HERC2: variants seen among roughly 807,000 people sequenced by gnomAD.
HERC2 encodes HECT and RLD domain containing E3 ubiquitin protein ligase 2, also known as E3 ubiquitin-protein ligase HERC2.
Under a neutral mutation model 537.7 loss-of-function variants are expected in HERC2, and 102 were observed. That is an observed-to-expected ratio of 0.19 (90% CI 0.16 to 0.22). HERC2 has a LOEUF of 0.22. Among genes scored for constraint, HERC2 ranks in the 10% least tolerant of loss-of-function variants. HERC2 has a pLI of 1.00. For synonymous variants in HERC2, 2,224 were observed against 2,466.2 expected (o/e 0.90, Z 2.91); for missense variants, 4,236 against 6,198.2 (o/e 0.68, Z 10.63).
chr15:28,191,937 C>A, intron 53 of HERC2, 24 bp downstream of exon 53: 2 of 1,599,740 alleles, frequency 1.3e-6, no homozygotes. Flanking sequence ...AAAGTGCCCG[C>A]TGCTGTGCCC....
rs1252353711 is a variant in HERC2 at position 28,114,600 on chromosome 15, A to ACCTGT, written c.13913+11_13913+12insACAGG. The ACCTGT allele has an allele frequency of 6.2e-7, 1 of 1,610,232 alleles. No homozygotes were observed. ...ATTTATGTCAATGCAACAGAGACGG[A>ACCTGT]TGACCACCAACCTATAGTTTATCGC... is the stretch of plus-strand genomic sequence containing the variant. On this transcript the variant is annotated intron_variant, in intron 90 of 92. Coordinates refer to ENST00000261609, the MANE Select transcript of HERC2 (RefSeq NM_004667.6).
At chr15:28,115,262 ATT>A (rs11375781) in intron 89 of HERC2, 165 bp downstream of exon 89, 7,566 of 374,788 alleles carry the variant, frequency 0.02, no homozygotes, top group South Asian at 0.04. Flanking sequence ...TAGATGGTCT[ATT>A]TTTTTTTTTT....
At chr15:28,249,617 T>G (rs937783784) in intron 20 of HERC2, among the ~76,000 whole-genome samples, 5 of 151,990 alleles carry the variant, frequency 3.3e-5, no homozygotes, top group Non-Finnish European at 5.9e-5. Context: ...AAGGTTATGA[T>G]AGGAAAATAA....
At chr15:28,318,622 CA>C (rs11324806) in intron 2 of HERC2, among the ~76,000 whole-genome samples, 142,767 of 147,726 alleles carry the variant, frequency 0.97, 69,011 homozygotes, top group Non-Finnish European at 0.99. Context: ...GACTCCATCT[CA>C]AAAAAAAAAA....
intron 86 of HERC2, 52 bp from the exon 87 acceptor site, chr15:28,117,206 C>A: frequency 6.3e-7 from 1 of 1,582,824 alleles, no homozygotes; most frequent in Non-Finnish European, 8.7e-7. Flanking sequence ...GCAGGAAGCA[C>A]ACAGTCGGGG....
intron 56 of HERC2, among the ~76,000 whole-genome samples, chr15:28,185,347 G>A (rs1029183452): frequency 6.6e-6 from 1 of 152,120 alleles, no homozygotes; most frequent in Non-Finnish European, 1.5e-5. Context: ...CAGCACTGGC[G>A]GCTTGCCTCC....
rs2075618516 is a variant in HERC2 at position 28,268,095 on chromosome 15, A to G, written c.1598+370T>C. ...ACTTTTGTTCCTGTAAAAATAATATATGGTTCAAGAAAAGGGTGACAACCT... is the reference window on the plus strand; with the variant it reads ...ACTTTTGTTCCTGTAAAAATAATATGTGGTTCAAGAAAAGGGTGACAACCT... On this transcript the variant is annotated intron_variant, in intron 12 of 92. Transcript: ENST00000261609. This position sits in a 1 kb window ranked among gnomAD's most constrained non-coding sequence, Gnocchi z 4.7. Among the ~76,000 whole-genome samples, 1 of 152,198 alleles carries G rather than the reference A, an allele frequency of 6.6e-6. No individual in the cohort carries two copies. Among genetic ancestry groups the G allele is most frequent in the Non-Finnish European group, 1.5e-5 (1 of 68,034 alleles).
At chr15:28,131,791 C>G (rs954800177) in intron 81 of HERC2, among the ~76,000 whole-genome samples, 1 of 152,192 alleles carries the variant, frequency 6.6e-6, no homozygotes, top group African/African-American at 2.4e-5. Flanking sequence ...ATGTGATATC[C>G]TTCTCTGAGA....
At chr15:28,249,245 A>C (rs1337001049) in intron 20 of HERC2, among the ~76,000 whole-genome samples, 3 of 152,166 alleles carry the variant, frequency 2.0e-5, no homozygotes, top group Non-Finnish European at 4.4e-5. Flanking sequence ...TTGCAAGTCC[A>C]CCTTGAGCCC....
intron 30 of HERC2, 120 bp from the exon 31 acceptor site, chr15:28,230,620 A>G: frequency 3.0e-6 from 2 of 671,272 alleles, no homozygotes; most frequent in South Asian, 1.9e-5. Flanking sequence ...TCTGAACAAC[A>G]TTATAAATTG....
At chr15:28,121,277 C>G in intron 86 of HERC2, 69 bp downstream of exon 86, 1 of 1,413,346 alleles carries the variant, frequency 7.1e-7, no homozygotes, top group Non-Finnish European at 1.0e-6. Context: ...GCTCTCGTCC[C>G]AGCCCAGGTA....
rs765169015 is a variant in HERC2, at chr15:28,196,574, G to C, written c.8012-5C>G. 7 of 1,571,482 alleles carry C rather than the reference G, an allele frequency of 4.5e-6. No individual in the cohort carries two copies. The highest frequency in any genetic ancestry group is 6.1e-6 in the Non-Finnish European group (7 of 1,142,456). ...CTTTTCCATTGGCACTGAAAGCTAG[G>C]ACAGAACAGAAATCACCTGATCCAT... On this transcript the variant is annotated splice_polypyrimidine_tract_variant and splice_region_variant and intron_variant, in intron 50 of 92. Coordinates refer to ENST00000261609, the MANE Select transcript of HERC2 (RefSeq NM_004667.6).
chr15:28,186,487 G>T, intron 56 of HERC2, 90 bp downstream of exon 56: 2 of 1,031,096 alleles, frequency 1.9e-6, no homozygotes, highest in Non-Finnish European at 2.9e-6. Context: ...CTCAGTATGA[G>T]ACACATTCTA....
chr15:28,171,282 G>A (rs570226182), intron 65 of HERC2, among the ~76,000 whole-genome samples: 12 of 152,312 alleles, frequency 7.9e-5, no homozygotes, highest in African/African-American at 2.9e-4. Flanking sequence ...AACATACTAT[G>A]TAATATGTAA....
At chr15:28,118,267 G>C (rs1380624274) in intron 86 of HERC2, 1 of 153,686 alleles carries the variant, frequency 6.5e-6, no homozygotes, top group East Asian at 1.9e-4. Context: ...TGAGAGGAGA[G>C]GTGCACCCAG....
chr15:28,117,878 G>A (rs1888453663), intron 86 of HERC2: 1 of 305,894 alleles, frequency 3.3e-6, no homozygotes, highest in South Asian at 2.9e-5. Context: ...TCGGAGGGCA[G>A]GTGGCCGAGG....
rs190294700 is a variant in HERC2, at chr15:28,295,789, G to A, written c.188-2767C>T. On this transcript the variant is annotated intron_variant, in intron 3 of 92. Coordinates refer to ENST00000261609, the MANE Select transcript of HERC2 (RefSeq NM_004667.6). The stretch of plus-strand genomic sequence containing the variant: ...AACATTCTGTGGACTTCATCTTTTC[G>A]TGTCCATAAATAAAGTTTACAGAAT... Among the ~76,000 whole-genome samples, 364 of 152,134 alleles carry A rather than the reference G, an allele frequency of 2.4e-3. 2 individuals carry two copies. The highest frequency in any genetic ancestry group is 8.3e-3 in the African/African-American group (344 of 41,500).
At chr15:28,136,759 G>A (rs1195715334) in intron 78 of HERC2, among the ~76,000 whole-genome samples, 2 of 152,134 alleles carry the variant, frequency 1.3e-5, no homozygotes, top group Non-Finnish European at 2.9e-5. Context: ...GAGACTATAT[G>A]GCCCAAAGCT....
intron 14 of HERC2, among the ~76,000 whole-genome samples, chr15:28,264,353 T>C (rs1223264114): frequency 2.0e-5 from 3 of 152,184 alleles, no homozygotes; most frequent in Non-Finnish European, 4.4e-5. Context: ...AAATGGAAAC[T>C]GGAGATGACG....
Sources: gnomAD v4.1 joint callset for allele counts (sites outside exome capture counted in the v4.1 genomes callset) on GRCh38, gnomAD v4.1.1 for gene constraint, Gnocchi (gnomAD v3.1) non-coding constraint, MANE v1.5 for transcripts, NCBI Gene and HGNC (gene_info 2026-07-23, HGNC 2026-07-21) for gene names.